The following PRKN variants were observed in gnomAD, a reference collection of about 807,000 sequenced individuals.
The protein encoded by PRKN is parkin RBR E3 ubiquitin protein ligase.
PRKN carries 56 observed loss-of-function variants against 59.5 expected under a neutral mutation model. That is an observed-to-expected ratio of 0.94 (90% CI 0.76 to 1.18). The LOEUF (loss-of-function observed/expected upper bound fraction) is 1.18, where lower values mean the gene tolerates loss of function less well. Ranked by LOEUF, PRKN falls within the 50% of genes most tolerant of loss-of-function variation. The probability of loss-of-function intolerance (pLI) is 0.00; values close to 1 mark genes in which losing one functional copy is unlikely to be tolerated. For synonymous variants in PRKN, 250 were observed against 222.1 expected, an observed-to-expected ratio of 1.13 and a Z score of -1.12; for missense variants, 657 against 596.4, an observed-to-expected ratio of 1.10 and a Z score of -1.06.
chr6:161,856,734 G>A (rs1793671248), intron 6 of PRKN, among the ~76,000 whole-genome samples: 1 of 151,876 alleles, frequency 6.6e-6, no homozygotes, highest in Non-Finnish European at 1.5e-5. Flanking sequence ...TTTCTTTTAG[G>A]TGCATTGGAA....
At chr6:161,712,805 A>C (rs553611220) in intron 7 of PRKN, among the ~76,000 whole-genome samples, 1 of 152,272 alleles carries the variant, frequency 6.6e-6, no homozygotes, top group East Asian at 1.9e-4. Context: ...ACAAAAACAA[A>C]AACAAACTGT....
In PRKN at chr6:162,162,994, C is replaced by T. The variant is rs796235033; in HGVS notation, c.534+38137G>A. Among the ~76,000 whole-genome samples, 5 of 148,288 alleles carry T rather than the reference C, an allele frequency of 3.4e-5. 1 individual carries two copies. Among genetic ancestry groups the T allele is most frequent in the East Asian group, 3.9e-4 (2 of 5,162 alleles). ...CTGTACTCCAGCCTGGGCGACAGAG[C>T]GAGATTCTGTCTCAAAAAAATAAAT... On this transcript the variant is annotated intron_variant, in intron 4 of 11. Transcript: ENST00000366898.
At chr6:162,141,061 C>T (rs1781758425) in intron 4 of PRKN, among the ~76,000 whole-genome samples, 2 of 151,890 alleles carry the variant, frequency 1.3e-5, no homozygotes, top group Admixed American at 1.3e-4. Context: ...ACCCGGGAGG[C>T]GGAGCTTGCA....
intron 5 of PRKN, among the ~76,000 whole-genome samples, chr6:161,980,074 G>A (rs1781204479): frequency 1.3e-5 from 2 of 152,150 alleles, no homozygotes; most frequent in Non-Finnish European, 1.5e-5. Flanking sequence ...TGGCTTGAAA[G>A]CCCTGCTTAT....
At chr6:162,135,989 C>T (rs1243971595) in intron 4 of PRKN, among the ~76,000 whole-genome samples, 1 of 151,816 alleles carries the variant, frequency 6.6e-6, no homozygotes, top group Non-Finnish European at 1.5e-5. Flanking sequence ...TTGCTGAGTC[C>T]CTCAACTGGA....
chr6:161,785,732 C>T (rs2128206595), intron 7 of PRKN, 40 bp downstream of exon 7: 2 of 1,601,840 alleles, frequency 1.2e-6, no homozygotes. Context: ...TTCTGTTCTT[C>T]ATTAGCATTA....
intron 1 of PRKN, among the ~76,000 whole-genome samples, chr6:162,504,673 T>G (rs1793527090): frequency 6.6e-6 from 1 of 152,132 alleles, no homozygotes; most frequent in Non-Finnish European, 1.5e-5. Flanking sequence ...GGCTTTATTT[T>G]AAAAGTTCAT....
intron 4 of PRKN, among the ~76,000 whole-genome samples, chr6:162,157,642 T>C (rs2128315527): frequency 6.6e-6 from 1 of 152,112 alleles, no homozygotes; most frequent in South Asian, 2.1e-4. Context: ...AATTATACTC[T>C]TTCAGGATAA....
At chr6:162,109,143 T>C (rs1193738055) in intron 4 of PRKN, among the ~76,000 whole-genome samples, 1 of 152,078 alleles carries the variant, frequency 6.6e-6, no homozygotes, top group African/African-American at 2.4e-5. Flanking sequence ...GCCATGGCAA[T>C]GGGAAACTGA....
At chr6:162,416,472 T>A (rs1788634209) in intron 2 of PRKN, among the ~76,000 whole-genome samples, 1 of 152,202 alleles carries the variant, frequency 6.6e-6, no homozygotes, top group Non-Finnish European at 1.5e-5. Flanking sequence ...TAGATTTCCT[T>A]CCTTCTCCTT....
intron 4 of PRKN, among the ~76,000 whole-genome samples, chr6:162,168,330 A>G (rs1267846554): frequency 1.3e-5 from 2 of 152,070 alleles, no homozygotes; most frequent in Non-Finnish European, 2.9e-5. Flanking sequence ...ATCAAAATCC[A>G]AGACAGTGCA....
At chr6:162,136,514 T>C (rs1213860756) in intron 4 of PRKN, among the ~76,000 whole-genome samples, 1 of 152,226 alleles carries the variant, frequency 6.6e-6, no homozygotes, top group Non-Finnish European at 1.5e-5. Flanking sequence ...GGGTTTAAAT[T>C]TGGAATCTAG....
intron 6 of PRKN, among the ~76,000 whole-genome samples, chr6:161,835,498 A>G (rs1356464602): frequency 3.3e-5 from 5 of 152,192 alleles, no homozygotes; most frequent in African/African-American, 1.2e-4. Flanking sequence ...ACCAAAATAA[A>G]CAATCTGCTC....
chr6:161,757,447 G>C (rs1583113501), intron 7 of PRKN, among the ~76,000 whole-genome samples: 1 of 152,196 alleles, frequency 6.6e-6, no homozygotes, highest in East Asian at 1.9e-4. Flanking sequence ...GAACGACAGA[G>C]ACTCCGTGTC....
intron 3 of PRKN, among the ~76,000 whole-genome samples, chr6:162,205,703 A>G (rs1784907035): frequency 6.6e-6 from 1 of 152,156 alleles, no homozygotes; most frequent in Non-Finnish European, 1.5e-5. Flanking sequence ...AATGATGAAA[A>G]TGTTCTCCAT....
chr6:161,455,323 C>A (rs1353743117), intron 9 of PRKN, among the ~76,000 whole-genome samples: 1 of 152,140 alleles, frequency 6.6e-6, no homozygotes, highest in Non-Finnish European at 1.5e-5. Context: ...AGATGTGAGC[C>A]ACCACGCCCG....
chr6:162,074,410 C>A (rs1444417286), intron 4 of PRKN, among the ~76,000 whole-genome samples: 1 of 142,940 alleles, frequency 7.0e-6, no homozygotes, highest in Non-Finnish European at 1.5e-5. Context: ...TATTCTCACT[C>A]ATAGGTGGGA....
intron 7 of PRKN, among the ~76,000 whole-genome samples, chr6:161,743,598 T>A (rs1427619706): frequency 6.6e-6 from 1 of 151,828 alleles, no homozygotes; most frequent in African/African-American, 2.4e-5. Flanking sequence ...ACCCAACATA[T>A]AATTCACGTC....
chr6:162,330,225 G>A (rs1783511502), intron 2 of PRKN, among the ~76,000 whole-genome samples: 1 of 152,124 alleles, frequency 6.6e-6, no homozygotes, highest in South Asian at 2.1e-4. Flanking sequence ...TGGTTTATAA[G>A]CACATTGCTG....
Sources: allele counts gnomAD v4.1 joint callset (sites outside exome capture counted in the v4.1 genomes callset), GRCh38; gene constraint gnomAD v4.1.1; transcripts MANE v1.5; gene names NCBI Gene and HGNC (gene_info 2026-07-23, HGNC 2026-07-21).